MAPK7: variants seen among roughly 807,000 people sequenced by gnomAD.
The protein encoded by MAPK7 is mitogen-activated protein kinase 7, also known as BMK-1.
A neutral mutation model predicts 56.9 loss-of-function variants in MAPK7; 30 were observed. The ratio of observed to expected loss-of-function variants is 0.53; its 90% CI spans 0.39 to 0.72. The LOEUF (loss-of-function observed/expected upper bound fraction) is 0.72, where lower values mean the gene tolerates loss of function less well. Among genes scored for constraint, MAPK7 ranks in the 30% least tolerant of loss-of-function variants. The probability of loss-of-function intolerance (pLI) is 0.00; values close to 1 mark genes in which losing one functional copy is unlikely to be tolerated. For synonymous variants in MAPK7, 516 were observed against 449.3 expected, an observed-to-expected ratio of 1.15 and a Z score of -1.88; for missense variants, 952 against 1,110.8, an observed-to-expected ratio of 0.86 and a Z score of 2.03.
At chr17:19,379,982 G>A (rs760293909) in intron 3 of MAPK7, 35 bp downstream of exon 3, 1 of 1,596,874 alleles carries the variant, frequency 6.3e-7, no homozygotes, top group Non-Finnish European at 8.6e-7. Context: ...GCCAGACTTG[G>A]GACTTTTCTG....
chr17:19,381,078 G>A lies in MAPK7; in HGVS notation c.869G>A (p.Gly290Glu). 6.2e-7 allele frequency: 1 copy of A among 1,614,096 alleles called. No homozygotes were observed. The highest frequency in any genetic ancestry group is 8.5e-7 in the Non-Finnish European group (1 of 1,180,036). ...TPSPAVIQAV[G>E]AERVRAYIQS... ...TCACCAGCCGTGATTCAGGCTGTGGGGGCTGAGAGGGTGCGGGCCTATATC... is the reference window on the plus strand; with the variant it reads ...TCACCAGCCGTGATTCAGGCTGTGGAGGCTGAGAGGGTGCGGGCCTATATC... The change falls in exon 4 of 7, where the codon GGG becomes GAG. Residue 290 changes from glycine (G) to glutamate (E), a missense_variant. By Grantham distance (98) the Gly-to-Glu change is moderately conservative. This residue lies in a region of MAPK7 where 429 missense variants were observed against 533.0 expected (regional missense o/e 0.80). Coordinates refer to ENST00000395604, the MANE Select transcript of MAPK7 (RefSeq NM_002749.4). This position sits in a 1 kb window ranked among gnomAD's most constrained non-coding sequence, Gnocchi z 4.6.
intron 2 of MAPK7, chr17:19,379,434 G>A (rs1401748241): frequency 7.1e-6 from 4 of 559,944 alleles, no homozygotes; most frequent in African/African-American, 3.8e-5. Flanking sequence ...GCCAGACACT[G>A]GCATAAGGAA....
rs757927691 is a variant in MAPK7 at position 19,382,830 on chromosome 17, C to G, written c.2181C>G (p.Pro727=). 6.2e-7 allele frequency: 1 copy of G among 1,614,174 alleles called. No individual in the cohort carries two copies. Among genetic ancestry groups the G allele is most frequent in the Non-Finnish European group, 8.5e-7 (1 of 1,180,022 alleles). The change falls in exon 6 of 7, where the codon CCC becomes CCG. Residue 727 remains proline, a synonymous_variant. Coordinates refer to ENST00000395604, the MANE Select transcript of MAPK7 (RefSeq NM_002749.4). ...CCCTGCAGGTGGAGGACCCCCTGCC[C>G]CCTGTGTTCTCAGGCACACCAAAGG... is the stretch of plus-strand genomic sequence containing the variant. The part of the protein sequence containing the change: ...LSKSQVEDPL[P]PVFSGTPKGS...
Position 19,378,547 on chromosome 17 carries a change from G to A in MAPK7, c.-89G>A, listed in dbSNP as rs1912301576. ...GTGGCTGCGGCCTTTGAACAAGTAA[G>A]TGAGCCACCCTCGGAGACCCCCGCG... On this transcript the variant is annotated 5_prime_UTR_variant, in exon 1 of 7. It adds an upstream start codon to the 5' untranslated region. Transcript: ENST00000395604. This position sits in a 1 kb window ranked among gnomAD's most constrained non-coding sequence, Gnocchi z 5.4. 1.7e-6 allele frequency: 2 copies of A among 1,172,692 alleles called. No individual in the cohort carries two copies. Among genetic ancestry groups the A allele is most frequent in the East Asian group, 1.0e-4 (2 of 19,554 alleles). The allele number at this position is 1,172,692 out of a possible 1,614,324, so 72.6% of individuals were successfully genotyped here.
In MAPK7 at chr17:19,381,475, C is replaced by T. The variant is rs1157302373; in HGVS notation, c.1266C>T (p.Pro422=). ...PGCPDVEMPS[P]WAPSGDCAME... ...GTCCAGATGTTGAAATGCCCAGTCC[C>T]TGGGCTCCCAGTGGGGACTGTGCCA... The change falls in exon 4 of 7, where the codon CCC becomes CCT. Residue 422 remains proline, a synonymous_variant. Coordinates refer to ENST00000395604, the MANE Select transcript of MAPK7 (RefSeq NM_002749.4). The surrounding 1 kb of genome is among the most constrained non-coding windows in gnomAD (Gnocchi z 4.6). The T allele has an allele frequency of 1.2e-6, 2 of 1,613,984 alleles. No homozygotes were observed. Among genetic ancestry groups the T allele is most frequent in the African/African-American group, 1.3e-5 (1 of 74,930 alleles).
At position 19,383,082 on chromosome 17, in the gene MAPK7, G is replaced by T. The variant is rs967628894; in HGVS notation, c.2302G>T (p.Ala768Ser). ...GVADGPQDGQ[A>S]DSASLSASLL... ...CTCCCTTTCCTTCCCCTGCAGCCAG[G>T]CAGATTCAGCCTCTCTCTCAGCCTC... Residue 768 changes from alanine (A) to serine (S), a missense_variant, in exon 7 of 7, where the codon GCA becomes TCA. Transcript: ENST00000395604. 2 of 1,614,034 alleles carry T rather than the reference G, an allele frequency of 1.2e-6. No individual in the cohort carries two copies. Among genetic ancestry groups the T allele is most frequent in the African/African-American group, 2.7e-5 (2 of 75,022 alleles).
chr17:19,379,297 C>A, intron 2 of MAPK7, 165 bp downstream of exon 2: 1 of 651,450 alleles, frequency 1.5e-6, no homozygotes, highest in Non-Finnish European at 2.6e-6. Flanking sequence ...AGGCTCGGTT[C>A]TCTGAAACTC....
chr17:19,382,097 C>G lies in MAPK7; in HGVS notation c.1794C>G (p.Thr598=). ...CCCCAGCGCCAACGCCAACCCCAAC[C>G]CCAGTCCAACCTACCAGTCCTCCTC... ...APAPAPTPTP[T]PVQPTSPPPG... is the part of the protein sequence containing the mutation. The change falls in exon 5 of 7, where the codon ACC becomes ACG. Residue 598 remains threonine, a synonymous_variant. Transcript: ENST00000395604. 1.2e-6 allele frequency: 2 copies of G among 1,611,004 alleles called. No homozygotes were observed. The highest frequency in any genetic ancestry group is 1.7e-4 in the Middle Eastern group (1 of 6,060).
chr17:19,382,389 G>A lies in MAPK7; in HGVS notation c.2086G>A (p.Ala696Thr), dbSNP rs972699681. The change falls in exon 5 of 7, where the codon GCC becomes ACC. Residue 696 changes from alanine (A) to threonine (T), a missense_variant. Physicochemically the swap from Ala to Thr is moderately conservative, Grantham distance 58. Transcript: ENST00000395604. ...CCCACCTGGCCTGCCGCCCCCAGACGCCGGGGGAGCCCCTCAGTCTTCCAT... is the reference window on the plus strand; with the variant it reads ...CCCACCTGGCCTGCCGCCCCCAGACACCGGGGGAGCCCCTCAGTCTTCCAT... ...YFPPGLPPPDAGGAPQSSMSE... is the reference protein window; with the variant it reads ...YFPPGLPPPDTGGAPQSSMSE... The A allele has an allele frequency of 5.0e-6, 8 of 1,613,302 alleles. No homozygotes were observed. Among genetic ancestry groups the A allele is most frequent in the African/African-American group, 2.7e-5 (2 of 75,068 alleles).
Position 19,381,301 on chromosome 17 carries a change from C to T in MAPK7, c.1092C>T (p.Asp364=). The change falls in exon 4 of 7, where the codon GAC becomes GAT. Residue 364 remains aspartate, a synonymous_variant. Coordinates refer to ENST00000395604, the MANE Select transcript of MAPK7 (RefSeq NM_002749.4). The surrounding 1 kb of genome is among the most constrained non-coding windows in gnomAD (Gnocchi z 4.6). ...AGCCTGACTGTGCCCCGCCCTTTGA[C>T]TTTGCCTTTGACCGCGAAGCCCTCA... ...DDEPDCAPPF[D]FAFDREALTR... 6.2e-7 allele frequency: 1 copy of T among 1,614,100 alleles called. No homozygotes were observed. The highest frequency in any genetic ancestry group is 2.2e-5 in the East Asian group (1 of 44,894).
At position 19,378,525 on chromosome 17, in the gene MAPK7, G is replaced by A; in HGVS notation, c.-111G>A. 1 of 1,120,968 alleles carries A rather than the reference G, an allele frequency of 8.9e-7. No homozygotes were observed. The highest frequency in any genetic ancestry group is 1.1e-6 in the Non-Finnish European group (1 of 911,236). 69.4% of individuals were successfully genotyped at this position (1,120,968 alleles called of 1,614,324 possible). A position where few individuals can be genotyped will look rare whatever the true frequency, so the allele number is the denominator to read the frequency against. ...GGCAGCTCAAGACGCTGAGGTGGTGGCTGCGGCCTTTGAACAAGTAAGTGA... is the reference window on the plus strand; with the variant it reads ...GGCAGCTCAAGACGCTGAGGTGGTGACTGCGGCCTTTGAACAAGTAAGTGA... On this transcript the variant is annotated 5_prime_UTR_variant, in exon 1 of 7. Transcript: ENST00000395604. This position sits in a 1 kb window ranked among gnomAD's most constrained non-coding sequence, Gnocchi z 5.4.
Position 19,379,027 on chromosome 17 carries a change from C to T in MAPK7, c.127C>T (p.Arg43Cys). 1.9e-6 allele frequency: 3 copies of T among 1,614,014 alleles called. No homozygotes were observed. The highest frequency in any genetic ancestry group is 2.5e-6 in the Non-Finnish European group (3 of 1,179,970). The change falls in exon 2 of 7, where the codon CGC (arginine) becomes TGC (cysteine). Residue 43 changes from arginine to cysteine, a missense_variant. Arg to Cys is a radical substitution (Grantham distance 180). Coordinates refer to ENST00000395604, the MANE Select transcript of MAPK7 (RefSeq NM_002749.4). ...AAKNLALLKA[R>C]SFDVTFDVGD... is the part of the protein sequence containing the mutation. The stretch of plus-strand genomic sequence containing the variant: ...CAAGAACCTGGCCCTGCTTAAAGCC[C>T]GCTCCTTCGATGTGACCTTTGACGT...
chr17:19,380,065 C>G (rs974825727), intron 3 of MAPK7, 118 bp downstream of exon 3: 11 of 1,178,142 alleles, frequency 9.3e-6, no homozygotes, highest in Non-Finnish European at 1.3e-5. Context: ...GGAAAATTCC[C>G]GCAGTTCTAG....
At position 19,381,372 on chromosome 17, in the gene MAPK7, TC is replaced by T; in HGVS notation, c.1165del (p.His389MetfsTer63). 1.2e-6 allele frequency: 2 copies of T among 1,614,134 alleles called. No homozygotes were observed. The highest frequency in any genetic ancestry group is 1.7e-6 in the Non-Finnish European group (2 of 1,180,036). Reference sequence around the variant, plus strand: ...GCCATTGTGGCTGAAATTGAGGACTTCCATGCAAGGCGTGAGGGCATCCGCC... The same window carrying T: ...GCCATTGTGGCTGAAATTGAGGACTTCATGCAAGGCGTGAGGGCATCCGCC... ...KEAIVAEIED[F>X]HARREGIRQQ... is the part of the protein sequence containing the mutation. On this transcript the variant is annotated frameshift_variant, in exon 4 of 7. Coordinates refer to ENST00000395604, the MANE Select transcript of MAPK7 (RefSeq NM_002749.4). LOFTEE classifies it high-confidence loss of function. This position sits in a 1 kb window ranked among gnomAD's most constrained non-coding sequence, Gnocchi z 4.6.
chr17:19,378,003 C>A (rs973977541), upstream of MAPK7: 26 of 985,224 alleles, frequency 2.6e-5, no homozygotes, highest in Non-Finnish European at 3.0e-5. The surrounding 1 kb of genome is among the most constrained non-coding windows in gnomAD (Gnocchi z 5.4). Context: ...TGACGGGCAC[C>A]CTCTACCGGG....
In MAPK7 at chr17:19,378,924, A is replaced by G. The variant is rs1398762702; in HGVS notation, c.24A>G (p.Glu8=). Residue 8 remains glutamate, a synonymous_variant, in exon 2 of 7, where the codon GAA becomes GAG. Coordinates refer to ENST00000395604, the MANE Select transcript of MAPK7 (RefSeq NM_002749.4). The surrounding 1 kb of genome is among the most constrained non-coding windows in gnomAD (Gnocchi z 5.4). ...CCATGGCCGAGCCTCTGAAGGAGGA[A>G]GACGGCGAGGACGGCTCTGCGGAGC... MAEPLKE[E]DGEDGSAEPP... 6.3e-7 allele frequency: 1 copy of G among 1,580,686 alleles called. No homozygotes were observed.
At chr17:19,380,418 C>T in intron 3 of MAPK7, 190 bp from the exon 4 acceptor site, 1 of 1,388,084 alleles carries the variant, frequency 7.2e-7, no homozygotes, top group Non-Finnish European at 9.3e-7. Context: ...AGTGATTTAA[C>T]CAAGTTCATG....
Position 19,379,091 on chromosome 17 carries a change from G to A in MAPK7, c.191G>A (p.Gly64Glu). 6.2e-7 allele frequency: 1 copy of A among 1,613,962 alleles called. No homozygotes were observed. The highest frequency in any genetic ancestry group is 8.5e-7 in the Non-Finnish European group (1 of 1,179,994). ...GAGATCATCGAGACCATAGGCAACG[G>A]GGCCTATGGAGTGGTGTCCTCCGCC... is the stretch of plus-strand genomic sequence containing the variant. ...EYEIIETIGN[G>E]AYGVVSSARR... Residue 64 changes from glycine (G) to glutamate (E), a missense_variant, in exon 2 of 7, where the codon GGG (glycine) becomes GAG (glutamate). Coordinates refer to ENST00000395604, the MANE Select transcript of MAPK7 (RefSeq NM_002749.4).
rs758409654 is a variant in MAPK7 at position 19,380,453 on chromosome 17, G to A, written c.399-155G>A. The A allele has an allele frequency of 1.8e-5, 25 of 1,419,992 alleles. No homozygotes were observed. The African/African-American group carries it at 3.2e-4, about 18-fold the overall frequency. The allele number at this position is 1,419,992 out of a possible 1,614,324, so 88.0% of individuals were successfully genotyped here. A position where few individuals can be genotyped will look rare whatever the true frequency, so the allele number is the denominator to read the frequency against. ...GGAAAAGTCGTAGAGAATCTAAAAC[G>A]TGATGCTCTTCTTCCATACCATGCC... On this transcript the variant is annotated intron_variant, in intron 3 of 6. Transcript: ENST00000395604.
Sources: allele counts gnomAD v4.1 joint callset, GRCh38; gene constraint gnomAD v4.1.1; regional missense constraint gnomAD v4.1.1; non-coding constraint Gnocchi (gnomAD v3.1); transcripts MANE v1.5; gene names NCBI Gene and HGNC (gene_info 2026-07-23, HGNC 2026-07-21).